Variants in LAMA2 observed in about 807,000 individuals in gnomAD.
LAMA2 encodes laminin subunit alpha-2.
LAMA2 carries 269 observed loss-of-function variants against 364.8 expected under a neutral mutation model. The observed-to-expected ratio is 0.74, with a 90% confidence interval of 0.67 to 0.82. The LOEUF (loss-of-function observed/expected upper bound fraction) is 0.82. Ranked by LOEUF, LAMA2 falls within the 40% of genes least tolerant of loss-of-function variation. LAMA2 has a pLI of 0.00. For missense variants in LAMA2, 3,807 were observed against 3,873.2 expected (o/e 0.98, Z 0.45); for synonymous variants, 1,379 against 1,370.6 (o/e 1.01, Z -0.14).
At chr6:129,359,962 TC>T (rs1258009680) in intron 32 of LAMA2, among the ~76,000 whole-genome samples, 5 of 152,134 alleles carry the variant, frequency 3.3e-5, no homozygotes, top group Non-Finnish European at 7.4e-5. Flanking sequence ...GCCATAACAA[TC>T]TGAATTTAGT....
At chr6:129,251,076 C>CTCTCTCTATATA (rs1491468271) in intron 13 of LAMA2, among the ~76,000 whole-genome samples, 11 of 49,800 alleles carry the variant, frequency 2.2e-4, no homozygotes, top group South Asian at 8.6e-4. Context: ...CTCTCTCTCT[C>CTCTCTCTATATA]TATATATATA....
At chr6:129,340,201 A>G (rs1776183756) in intron 29 of LAMA2, among the ~76,000 whole-genome samples, 1 of 152,178 alleles carries the variant, frequency 6.6e-6, no homozygotes, top group African/African-American at 2.4e-5. Flanking sequence ...GGAGAATGGG[A>G]GATGAAGAAG....
At chr6:129,278,192 ACT>A (rs763474378) in intron 17 of LAMA2, among the ~76,000 whole-genome samples, 8 of 152,118 alleles carry the variant, frequency 5.3e-5, no homozygotes, top group Non-Finnish European at 1.2e-4. Context: ...ACAGAGCAAG[ACT>A]CTGTCTCAAA....
chr6:129,170,052 T>C (rs1411910717), intron 9 of LAMA2, among the ~76,000 whole-genome samples: 1 of 151,980 alleles, frequency 6.6e-6, no homozygotes, highest in Non-Finnish European at 1.5e-5. Flanking sequence ...TTCTTCTCTC[T>C]TTTTTTCTTT....
At chr6:129,443,871 A>G (rs1054268109) in intron 44 of LAMA2, among the ~76,000 whole-genome samples, 5 of 152,332 alleles carry the variant, frequency 3.3e-5, no homozygotes, top group Admixed American at 2.6e-4. Flanking sequence ...GAGCAACTAC[A>G]TTACTAAACC....
intron 5 of LAMA2, among the ~76,000 whole-genome samples, chr6:129,146,659 C>T (rs1191157723): frequency 6.6e-6 from 1 of 151,916 alleles, no homozygotes; most frequent in Non-Finnish European, 1.5e-5. Flanking sequence ...GTCCTTAGCC[C>T]CAGATAAAAA....
intron 1 of LAMA2, among the ~76,000 whole-genome samples, chr6:128,917,157 ATGAAAT>A (rs1778370696): frequency 7.6e-6 from 1 of 131,280 alleles, no homozygotes; most frequent in African/African-American, 2.7e-5. Flanking sequence ...CAAATAGAAC[ATGAAAT>A]TGAAGCCTTT....
intron 4 of LAMA2, among the ~76,000 whole-genome samples, chr6:129,143,255 A>T (rs1451793986): frequency 6.6e-6 from 1 of 151,932 alleles, no homozygotes; most frequent in African/African-American, 2.4e-5. Flanking sequence ...CATATTTTTT[A>T]GAGTGTGATT....
In LAMA2 at chr6:129,512,413, A is replaced by G. The variant is rs1786662294; in HGVS notation, c.8908A>G (p.Thr2970Ala). 1 of 1,613,502 alleles carries G rather than the reference A, an allele frequency of 6.2e-7. No homozygotes were observed. The highest frequency in any genetic ancestry group is 8.5e-7 in the Non-Finnish European group (1 of 1,179,534). ...LDLLVEFEFR[T>A]TTTTGVLLGI... ...CCTTCTTGTAGAATTTGAATTCCGC[A>G]CAACTACAACGACTGGAGTTCTTCT... Residue 2970 changes from threonine (T) to alanine (A), a missense_variant, in exon 63 of 65, where the codon ACA (threonine) becomes GCA (alanine). This residue lies in a region of LAMA2 where 3,333 missense variants were observed against 3,345.7 expected (regional missense o/e 1.00). Coordinates refer to ENST00000421865, the MANE Select transcript of LAMA2 (RefSeq NM_000426.4).
intron 33 of LAMA2, among the ~76,000 whole-genome samples, chr6:129,368,876 C>T (rs1583589311): frequency 6.6e-6 from 1 of 152,200 alleles, no homozygotes; most frequent in African/African-American, 2.4e-5. Context: ...TATGTCAGTG[C>T]TCCCCAAGCT....
chr6:129,398,200 G>A (rs1329377148), intron 37 of LAMA2, among the ~76,000 whole-genome samples: 3 of 152,118 alleles, frequency 2.0e-5, no homozygotes, highest in Admixed American at 1.3e-4. Flanking sequence ...TTCTGTACAT[G>A]CTATACTTTA....
chr6:129,438,582 A>G, intron 41 of LAMA2, 64 bp from the exon 42 acceptor site: 1 of 792,000 alleles, frequency 1.3e-6, no homozygotes, highest in Non-Finnish European at 2.2e-6. Context: ...GAAATTGCAC[A>G]TCCAAGTATA....
chr6:129,478,530 C>G (rs1784193358), intron 53 of LAMA2, 163 bp from the exon 54 acceptor site: 9 of 699,076 alleles, frequency 1.3e-5, no homozygotes, highest in Middle Eastern at 2.4e-4. Context: ...TTAGACCAAC[C>G]AGTAGACAAT....
chr6:129,388,500 G>A (rs895145118), intron 35 of LAMA2, among the ~76,000 whole-genome samples: 2 of 152,036 alleles, frequency 1.3e-5, no homozygotes, highest in Non-Finnish European at 2.9e-5. Context: ...TTCTCTATCT[G>A]TTGTCATTCT....
At chr6:129,438,594 G>A (rs1261160368) in intron 41 of LAMA2, 52 bp from the exon 42 acceptor site, 2 of 894,528 alleles carry the variant, frequency 2.2e-6, no homozygotes, top group East Asian at 4.8e-5. Context: ...CCAAGTATAA[G>A]CTCAGGGATG....
At chr6:129,162,453 T>C (rs1345332887) in intron 8 of LAMA2, among the ~76,000 whole-genome samples, 2 of 152,060 alleles carry the variant, frequency 1.3e-5, no homozygotes. Flanking sequence ...AAAAATTTCC[T>C]TTAACATTTT....
Position 129,270,683 on chromosome 6 carries a change from C to T in LAMA2, c.2382C>T (p.Gly794=), listed in dbSNP as rs147744763. Residue 794 remains glycine (G), a synonymous_variant, in exon 17 of 65, where the codon GGC becomes GGT. Transcript: ENST00000421865. ...YCDKCLPGFY[G]EPTKGTSEDC... is the part of the protein sequence containing the mutation. ...ATAAATGTCTTCCTGGTTTCTATGG[C>T]GAGCCTACTAAAGGAACCTCTGAAG... 1.3e-4 allele frequency: 214 copies of T among 1,612,728 alleles called. 1 individual carries two copies. The African/African-American group carries it at 2.4e-3, about 18-fold the overall frequency.
At chr6:129,244,330 T>G (rs920933265) in intron 12 of LAMA2, among the ~76,000 whole-genome samples, 5 of 152,064 alleles carry the variant, frequency 3.3e-5, no homozygotes, top group African/African-American at 1.2e-4. Context: ...AAAAGAGAGC[T>G]CTACAAATAG....
intron 51 of LAMA2, among the ~76,000 whole-genome samples, chr6:129,467,793 A>G (rs988897201): frequency 6.6e-6 from 1 of 151,956 alleles, no homozygotes; most frequent in Non-Finnish European, 1.5e-5. Context: ...TTACAGAATC[A>G]TATAAATGTG....
Sources: gnomAD v4.1 joint callset for allele counts (sites outside exome capture counted in the v4.1 genomes callset) on GRCh38, gnomAD v4.1.1 for gene constraint, gnomAD v4.1.1 regional missense constraint, MANE v1.5 for transcripts, NCBI Gene and HGNC (gene_info 2026-07-23, HGNC 2026-07-21) for gene names.